TIMELESS: variants seen among roughly 807,000 people sequenced by gnomAD.
TIMELESS encodes protein timeless homolog.
TIMELESS carries 124 observed loss-of-function variants against 164.3 expected under a neutral mutation model. The ratio of observed to expected loss-of-function variants is 0.75; its 90% CI spans 0.65 to 0.88. The LOEUF is 0.88. Ranked by LOEUF, TIMELESS falls within the 40% of genes least tolerant of loss-of-function variation. The probability of loss-of-function intolerance (pLI) is 0.00; values close to 1 mark genes in which losing one functional copy is unlikely to be tolerated. For missense variants in TIMELESS, 1,422 were observed against 1,491.4 expected (o/e 0.95, Z 0.77); for synonymous variants, 564 against 563.4 (o/e 1.00, Z -0.02).
chr12:56,448,371 A>T (rs1378702821), intron 1 of TIMELESS, among the ~76,000 whole-genome samples: 1 of 151,288 alleles, frequency 6.6e-6, no homozygotes, highest in African/African-American at 2.4e-5. Context: ...GGACCACTGC[A>T]CTCCAGCCTG....
chr12:56,447,541 C>A (rs1308714451), intron 1 of TIMELESS, among the ~76,000 whole-genome samples: 2 of 152,134 alleles, frequency 1.3e-5, no homozygotes, highest in East Asian at 3.9e-4. Context: ...CCAGGAAGGA[C>A]TTCTTGATGA....
intron 19 of TIMELESS, among the ~76,000 whole-genome samples, chr12:56,422,466 G>A (rs1881530315): frequency 6.6e-6 from 1 of 152,178 alleles, no homozygotes; most frequent in Non-Finnish European, 1.5e-5. Flanking sequence ...AAGAGACTAA[G>A]TGTGAAAGGA....
rs566612544 is a variant in TIMELESS at position 56,424,932 on chromosome 12, A to G, written c.1717-19T>C. The stretch of plus-strand genomic sequence containing the variant: ...CAGAATTCTAGAGATGGATAAAGCT[A>G]TGGGAGCGGAGGGAGTGGAAAACCC... On this transcript the variant is annotated intron_variant, in intron 14 of 28. Transcript: ENST00000553532. The G allele has an allele frequency of 1.9e-6, 3 of 1,614,186 alleles. No individual in the cohort carries two copies. The African/African-American group carries it at 4.0e-5, about 22-fold the overall frequency.
chr12:56,440,649 C>T (rs747232762), intron 1 of TIMELESS, among the ~76,000 whole-genome samples: 1 of 151,956 alleles, frequency 6.6e-6, no homozygotes, highest in African/African-American at 2.4e-5. Context: ...ATAATAATAC[C>T]CACCCTCACA....
At position 56,432,538 on chromosome 12, in the gene TIMELESS, G is replaced by T; in HGVS notation, c.532-14C>A. 2 of 1,611,160 alleles carry T rather than the reference G, an allele frequency of 1.2e-6. No individual in the cohort carries two copies. Among genetic ancestry groups the T allele is most frequent in the Non-Finnish European group, 1.7e-6 (2 of 1,178,222 alleles). On this transcript the variant is annotated splice_polypyrimidine_tract_variant and intron_variant, in intron 6 of 28. Transcript: ENST00000553532. ...ATCATCAATCTTCTGAGCAGTGAGTGGTGAGGGTAGAAAGGAAGCTCATTC... is the reference window on the plus strand; with the variant it reads ...ATCATCAATCTTCTGAGCAGTGAGTTGTGAGGGTAGAAAGGAAGCTCATTC...
At chr12:56,448,955 T>A (rs1868458446) in intron 1 of TIMELESS, among the ~76,000 whole-genome samples, 1 of 152,088 alleles carries the variant, frequency 6.6e-6, no homozygotes. Context: ...ACACACCGGT[T>A]TTTTTCAGGA....
rs112646590 is a variant in TIMELESS at position 56,426,200 on chromosome 12, T to A, written c.1579-1048A>T. On this transcript the variant is annotated intron_variant, in intron 13 of 28. Transcript: ENST00000553532. ...GGATTACATGAAAACGTCAGCACAGTGTCTGACACACAGTAAATGCTCAAT... is the reference window on the plus strand; with the variant it reads ...GGATTACATGAAAACGTCAGCACAGAGTCTGACACACAGTAAATGCTCAAT... Among the ~76,000 whole-genome samples, 1,311 of 152,316 alleles carry A rather than the reference T, an allele frequency of 8.6e-3. 13 individuals carry two copies. The highest frequency in any genetic ancestry group is 0.028 in the African/African-American group (1,157 of 41,570).
rs72479000 is a variant in TIMELESS at position 56,421,449 on chromosome 12, G to A, written c.2770C>T (p.Arg924Trp). Residue 924 changes from arginine (R) to tryptophan (W), a missense_variant, in exon 23 of 29, where the codon CGG becomes TGG. Physicochemically the swap from Arg to Trp is moderately radical, Grantham distance 101. Transcript: ENST00000553532. ...IMKNITAKRS[R>W]ARIVDKLLAL... ...AAGAGTTTATCCACTATTCGGGCCC[G>A]TGAGCGTTTGGCTGTGATATTCTTC... 2,136 of 1,614,060 alleles carry A rather than the reference G, an allele frequency of 1.3e-3. 2 individuals carry two copies. The highest frequency in any genetic ancestry group is 1.7e-3 in the Non-Finnish European group (1,978 of 1,179,980).
At chr12:56,425,175 G>A (rs1449512718) in intron 13 of TIMELESS, 23 bp from the exon 14 acceptor site, 37 of 1,598,724 alleles carry the variant, frequency 2.3e-5, no homozygotes, top group Non-Finnish European at 2.9e-5. Flanking sequence ...AATTGTATTA[G>A]GATGTCAAGA....
Position 56,423,439 on chromosome 12 carries a change from C to T in TIMELESS, c.2127G>A (p.Leu709=). ...TATTCTGCTGGTAGCTCCTTAGTAG[C>T]AGCACATAGGCTCGAACGACAGTTG... ...ACSTVVRAYV[L]LLRSYQQNSA... is the part of the protein sequence containing the mutation. Residue 709 remains leucine, a synonymous_variant, in exon 18 of 29, where the codon CTG becomes CTA. Transcript: ENST00000553532. 6.2e-7 allele frequency: 1 copy of T among 1,614,140 alleles called. No homozygotes were observed. Among genetic ancestry groups the T allele is most frequent in the Non-Finnish European group, 8.5e-7 (1 of 1,180,030 alleles).
chr12:56,433,605 A>G lies in TIMELESS; in HGVS notation c.299T>C (p.Leu100Pro), dbSNP rs1457205888. 3.7e-6 allele frequency: 6 copies of G among 1,614,250 alleles called. No homozygotes were observed. The East Asian group carries it at 1.1e-4, about 30-fold the overall frequency. ...GTGCCGAAAGCTGGGCTCCTTAGGCAGATTGCCAAAACAGAGCAAGGCTGG... is the reference window on the plus strand; with the variant it reads ...GTGCCGAAAGCTGGGCTCCTTAGGCGGATTGCCAAAACAGAGCAAGGCTGG... ...TQPALLCFGN[L>P]PKEPSFRHHF... The change falls in exon 4 of 29, where the codon CTG (leucine) becomes CCG (proline). Residue 100 changes from leucine (L) to proline (P), a missense_variant. Leu to Pro is a moderately conservative substitution (Grantham distance 98). Coordinates refer to ENST00000553532, the MANE Select transcript of TIMELESS (RefSeq NM_003920.5).
chr12:56,435,703 T>C (rs941028367), intron 1 of TIMELESS, among the ~76,000 whole-genome samples: 4 of 152,192 alleles, frequency 2.6e-5, no homozygotes, highest in African/African-American at 9.7e-5. Flanking sequence ...CTCATGCCTG[T>C]AATCCCAGCA....
intron 26 of TIMELESS, among the ~76,000 whole-genome samples, chr12:56,418,662 C>T (rs941092455): frequency 1.3e-5 from 2 of 151,076 alleles, no homozygotes; most frequent in East Asian, 1.9e-4. Context: ...ACTGTAGTCT[C>T]GATCTCTTGG....
At chr12:56,425,486 G>A (rs567575823) in intron 13 of TIMELESS, among the ~76,000 whole-genome samples, 4 of 152,220 alleles carry the variant, frequency 2.6e-5, no homozygotes, top group African/African-American at 9.6e-5. Flanking sequence ...GAGGTCTACA[G>A]AATAAGCAGA....
In TIMELESS at chr12:56,432,498, A is replaced by G. The variant is rs142918807; in HGVS notation, c.558T>C (p.His186=). Residue 186 remains histidine, a synonymous_variant, in exon 7 of 29, where the codon CAT becomes CAC. Coordinates refer to ENST00000553532, the MANE Select transcript of TIMELESS (RefSeq NM_003920.5). The part of the protein sequence containing the change: ...EKKIDDDASA[H]DQLLWAIHLS... ...GGTGAATCGCCCAGAGGAGCTGGTC[A>G]TGGGCACTGGCGTCATCATCAATCT... 7.6e-5 allele frequency: 122 copies of G among 1,614,156 alleles called. No individual in the cohort carries two copies. In the African/African-American group the frequency reaches 1.2e-3, roughly 15 times the overall value.
At chr12:56,449,141 C>CT (rs1455980967) in intron 1 of TIMELESS, among the ~76,000 whole-genome samples, 169 bp downstream of exon 1, 4 of 152,284 alleles carry the variant, frequency 2.6e-5, no homozygotes, top group African/African-American at 7.2e-5. Flanking sequence ...GCGCGGGAGA[C>CT]TAAGGAGCAG....
chr12:56,427,562 A>G (rs1881718395), intron 13 of TIMELESS, among the ~76,000 whole-genome samples: 1 of 152,116 alleles, frequency 6.6e-6, no homozygotes, highest in African/African-American at 2.4e-5. Flanking sequence ...CAGACTTTCT[A>G]AAGTTCAATT....
At chr12:56,436,048 C>A (rs1446709539) in intron 1 of TIMELESS, among the ~76,000 whole-genome samples, 1 of 151,836 alleles carries the variant, frequency 6.6e-6, no homozygotes, top group South Asian at 2.1e-4. Flanking sequence ...CTTTAAAATC[C>A]ATAATCACTA....
At chr12:56,421,216 CA>C in intron 23 of TIMELESS, 82 bp from the exon 24 acceptor site, 1 of 1,594,556 alleles carries the variant, frequency 6.3e-7, no homozygotes, top group Non-Finnish European at 8.5e-7. Context: ...CTGACCACCG[CA>C]CCCCCCCGCG....
Sources: gnomAD v4.1 joint callset for allele counts (sites outside exome capture counted in the v4.1 genomes callset) on GRCh38, gnomAD v4.1.1 for gene constraint, MANE v1.5 for transcripts, NCBI Gene and HGNC (gene_info 2026-07-23, HGNC 2026-07-21) for gene names.